The following KIF16B variants were observed in gnomAD, a reference collection of about 807,000 sequenced individuals.
The protein encoded by KIF16B is kinesin family member 16B.
In KIF16B, 98 loss-of-function variants were observed where a neutral mutation model predicts 156.3. The observed-to-expected ratio is 0.63, with a 90% CI of 0.53 to 0.74. KIF16B has a LOEUF of 0.74. Ranked by LOEUF, KIF16B falls within the 30% of genes least tolerant of loss-of-function variation. The probability of loss-of-function intolerance (pLI) is 0.00; values close to 1 mark genes in which losing one functional copy is unlikely to be tolerated. For synonymous variants in KIF16B, 564 were observed against 583.7 expected (o/e 0.97, Z 0.49); for missense variants, 1,421 against 1,606.5 (o/e 0.88, Z 1.97).
intron 17 of KIF16B, among the ~76,000 whole-genome samples, chr20:16,389,377 T>C (rs527640779): frequency 1.1e-4 from 17 of 152,324 alleles, no homozygotes; most frequent in African/African-American, 3.6e-4. Flanking sequence ...CAAGCATATG[T>C]CATCTTTGAA....
intron 20 of KIF16B, among the ~76,000 whole-genome samples, chr20:16,373,663 T>A (rs767899866): frequency 2.3e-4 from 35 of 152,344 alleles, no homozygotes; most frequent in Non-Finnish European, 3.4e-4. Context: ...TTGGTACAGT[T>A]AATTCTAGGT....
Position 16,311,439 on chromosome 20 carries a change from G to C in KIF16B, c.3795+896C>G, listed in dbSNP as rs940391243. ...AGGGGTGGAGGTTGCAGTGAGCTGA[G>C]ACTGTGCCACTGAACTCCAGCCTGG... On this transcript the variant is annotated intron_variant, in intron 25 of 25. Transcript: ENST00000354981. Among the ~76,000 whole-genome samples the C allele has an allele frequency of 8.3e-4, 126 of 152,334 alleles. 3 individuals are homozygous for C. Among genetic ancestry groups the C allele is most frequent in the Admixed American group, 8.2e-3 (125 of 15,300 alleles).
intron 15 of KIF16B, among the ~76,000 whole-genome samples, chr20:16,424,311 T>A (rs1265121742): frequency 6.6e-6 from 1 of 152,096 alleles, no homozygotes; most frequent in Non-Finnish European, 1.5e-5. Flanking sequence ...AGGTTGGCGC[T>A]CCATCGCAGC....
intron 25 of KIF16B, among the ~76,000 whole-genome samples, chr20:16,301,061 A>G (rs1256892062): frequency 6.6e-6 from 1 of 152,162 alleles, no homozygotes; most frequent in African/African-American, 2.4e-5. Context: ...CTTTTCCAAA[A>G]TGCCATATAG....
chr20:16,418,070 A>G (rs958132454), intron 15 of KIF16B, among the ~76,000 whole-genome samples: 4 of 152,184 alleles, frequency 2.6e-5, no homozygotes, highest in African/African-American at 9.6e-5. Context: ...ACCCCGAGAA[A>G]TCCATGCCAA....
intron 23 of KIF16B, 42 bp from the exon 24 acceptor site, chr20:16,336,057 A>G (rs776915101): frequency 6.0e-6 from 7 of 1,162,370 alleles, no homozygotes; most frequent in Non-Finnish European, 8.7e-6. Flanking sequence ...ATTAAGAAGC[A>G]AAAGTCACTA....
intron 1 of KIF16B, among the ~76,000 whole-genome samples, chr20:16,555,770 A>C (rs943726957): frequency 1.3e-5 from 2 of 152,224 alleles, no homozygotes; most frequent in African/African-American, 4.8e-5. Context: ...AAACAAAAAC[A>C]ACCACAAAAT....
At chr20:16,341,769 T>C (rs2064143331) in intron 23 of KIF16B, among the ~76,000 whole-genome samples, 1 of 152,192 alleles carries the variant, frequency 6.6e-6, no homozygotes, top group Non-Finnish European at 1.5e-5. Flanking sequence ...GGAACTGTGA[T>C]GCAGGTTAAG....
At chr20:16,357,834 AAAGC>A in intron 22 of KIF16B, among the ~76,000 whole-genome samples, 1 of 152,304 alleles carries the variant, frequency 6.6e-6, no homozygotes, top group Non-Finnish European at 1.5e-5. Context: ...CTAGTCACCC[AAAGC>A]AAGAAGAATT....
intron 11 of KIF16B, among the ~76,000 whole-genome samples, chr20:16,495,210 T>C (rs1363278033): frequency 6.6e-6 from 1 of 152,142 alleles, no homozygotes; most frequent in Non-Finnish European, 1.5e-5. Context: ...ACCTTTATCA[T>C]TCCTGCCACC....
At chr20:16,339,425 A>G (rs2064101583) in intron 23 of KIF16B, among the ~76,000 whole-genome samples, 1 of 152,042 alleles carries the variant, frequency 6.6e-6, no homozygotes. Context: ...AATCTTGAAC[A>G]TGTTTTATTT....
intron 3 of KIF16B, among the ~76,000 whole-genome samples, chr20:16,519,237 C>T (rs1237267474): frequency 1.3e-5 from 2 of 152,144 alleles, no homozygotes; most frequent in Admixed American, 6.5e-5. Flanking sequence ...CAGGCACCAC[C>T]TCTCTCTGTG....
At position 16,512,811 on chromosome 20, in the gene KIF16B, G is replaced by C. The variant is rs1484803483; in HGVS notation, c.446+15C>G. On this transcript the variant is annotated intron_variant, in intron 5 of 25. Transcript: ENST00000354981. ...AATCAAGCTCACACACAGTTACCCA[G>C]GCCACAGGCCCTACCTGACTTCAGT... 1 of 1,588,306 alleles carries C rather than the reference G, an allele frequency of 6.3e-7. No homozygotes were observed. Among genetic ancestry groups the C allele is most frequent in the African/African-American group, 1.3e-5 (1 of 74,544 alleles).
chr20:16,555,441 G>T (rs927370382), intron 1 of KIF16B, among the ~76,000 whole-genome samples: 1 of 152,160 alleles, frequency 6.6e-6, no homozygotes, highest in African/African-American at 2.4e-5. Flanking sequence ...TACTGGGCAT[G>T]ATGCAAAAGT....
At chr20:16,305,005 T>C (rs562063255) in intron 25 of KIF16B, among the ~76,000 whole-genome samples, 2 of 152,254 alleles carry the variant, frequency 1.3e-5, no homozygotes, top group East Asian at 3.9e-4. Context: ...TGACAGCCAT[T>C]ACTAATACCT....
At chr20:16,487,447 A>G (rs1053561725) in intron 12 of KIF16B, among the ~76,000 whole-genome samples, 1 of 152,064 alleles carries the variant, frequency 6.6e-6, no homozygotes. Context: ...CAGTTACGAG[A>G]GCTGCTTCCG....
Position 16,448,291 on chromosome 20 carries a change from C to T in KIF16B, c.1303-18309G>A, listed in dbSNP as rs112181203. The stretch of plus-strand genomic sequence containing the variant: ...CCTACAAAGAAGAGAGTTTTTCATG[C>T]TGTGTTTATGCTAAGATAAAAAATG... On this transcript the variant is annotated intron_variant, in intron 12 of 25. Coordinates refer to ENST00000354981, the MANE Select transcript of KIF16B (RefSeq NM_024704.5). Among the ~76,000 whole-genome samples, 24 of 152,214 alleles carry T rather than the reference C, an allele frequency of 1.6e-4. 1 individual carries two copies. Among genetic ancestry groups the T allele is most frequent in the African/African-American group, 5.3e-4 (22 of 41,566 alleles).
chr20:16,552,470 C>A (rs1393855312), intron 1 of KIF16B, among the ~76,000 whole-genome samples: 1 of 152,186 alleles, frequency 6.6e-6, no homozygotes, highest in Non-Finnish European at 1.5e-5. Context: ...TCCACCACTA[C>A]ACCTGTTGTC....
chr20:16,362,323 G>A (rs1388846575), intron 22 of KIF16B, among the ~76,000 whole-genome samples: 1 of 143,068 alleles, frequency 7.0e-6, no homozygotes, highest in Non-Finnish European at 1.5e-5. Flanking sequence ...TCAAATTCAC[G>A]CTATGACTGT....
Sources: gnomAD v4.1 joint callset for allele counts (sites outside exome capture counted in the v4.1 genomes callset) on GRCh38, gnomAD v4.1.1 for gene constraint, MANE v1.5 for transcripts, NCBI Gene and HGNC (gene_info 2026-07-23, HGNC 2026-07-21) for gene names.